Variants in TASP1 observed in about 807,000 individuals in gnomAD.
TASP1 encodes threonine aspartase 1.
Under a neutral mutation model 56.6 loss-of-function variants are expected in TASP1, and 16 were observed. That is an observed-to-expected ratio of 0.28 (90% CI 0.19 to 0.43). TASP1 has a LOEUF of 0.43. TASP1 is among the 20% of genes least tolerant of loss of function. TASP1 has a pLI of 1.00. For missense variants in TASP1, 393 were observed against 511.6 expected (o/e 0.77, Z 2.24); for synonymous variants, 179 against 184.2 (o/e 0.97, Z 0.23).
the TASP1 span, among the ~76,000 whole-genome samples, chr20:13,222,745 G>T: frequency 6.6e-6 from 1 of 152,222 alleles, no homozygotes; most frequent in Non-Finnish European, 1.5e-5. Flanking sequence ...TGCCCAGCTA[G>T]GCATTTCCTG....
chr20:13,600,136 CA>C (rs1393959643), intron 4 of TASP1, among the ~76,000 whole-genome samples: 2 of 151,944 alleles, frequency 1.3e-5, no homozygotes, highest in Non-Finnish European at 1.5e-5. Flanking sequence ...TTTTTAAATC[CA>C]ATAAATGGAA....
intron 6 of TASP1, among the ~76,000 whole-genome samples, chr20:13,573,827 G>T (rs2046800560): frequency 6.6e-6 from 1 of 152,138 alleles, no homozygotes; most frequent in African/African-American, 2.4e-5. Flanking sequence ...GGAAAACAAG[G>T]TAAACCTTGT....
the TASP1 span, among the ~76,000 whole-genome samples, chr20:13,277,498 C>T: frequency 6.6e-6 from 1 of 152,164 alleles, no homozygotes; most frequent in Non-Finnish European, 1.5e-5. Flanking sequence ...CTCGGCTCTA[C>T]CCAGCTGTGT....
intron 10 of TASP1, among the ~76,000 whole-genome samples, chr20:13,525,094 GAC>G (rs1330957787): frequency 6.6e-6 from 1 of 152,074 alleles, no homozygotes; most frequent in African/African-American, 2.4e-5. Flanking sequence ...TACTTTAATT[GAC>G]AGTCTTTTGT....
At chr20:13,536,009 T>G (rs190301818) in intron 8 of TASP1, among the ~76,000 whole-genome samples, 5 of 152,332 alleles carry the variant, frequency 3.3e-5, no homozygotes, top group Admixed American at 3.3e-4. Flanking sequence ...AATATACTTT[T>G]AAGAGGAATA....
chr20:13,228,437 C>T, the TASP1 span, among the ~76,000 whole-genome samples: 1 of 152,122 alleles, frequency 6.6e-6, no homozygotes, highest in East Asian at 1.9e-4. Context: ...TGGCAGTTGG[C>T]TGTCTTCTAT....
At chr20:13,528,247 A>T (rs919941947) in intron 10 of TASP1, among the ~76,000 whole-genome samples, 186 bp downstream of exon 10, 1 of 151,222 alleles carries the variant, frequency 6.6e-6, no homozygotes, top group Admixed American at 6.6e-5. Context: ...AAAAAAAAGA[A>T]AATGTTAGCA....
At chr20:13,132,095 T>C in the TASP1 span, among the ~76,000 whole-genome samples, 3 of 151,714 alleles carry the variant, frequency 2.0e-5, no homozygotes, top group Non-Finnish European at 4.4e-5. Flanking sequence ...CTGCTGAAAA[T>C]CTGCCTTATT....
At chr20:13,284,916 T>A in the TASP1 span, among the ~76,000 whole-genome samples, 1 of 152,164 alleles carries the variant, frequency 6.6e-6, no homozygotes, top group African/African-American at 2.4e-5. Context: ...GGCTTCAGAG[T>A]CTGGCAGCTG....
the TASP1 span, among the ~76,000 whole-genome samples, chr20:13,220,122 C>A: frequency 6.6e-6 from 1 of 151,700 alleles, no homozygotes; most frequent in African/African-American, 2.4e-5. Context: ...GGTCTTGGCT[C>A]GCTGGGAGGG....
the TASP1 span, among the ~76,000 whole-genome samples, chr20:13,266,484 A>G: frequency 6.6e-6 from 1 of 152,202 alleles, no homozygotes; most frequent in Non-Finnish European, 1.5e-5. Flanking sequence ...CTCTGAAATT[A>G]TAGTCACAAG....
At chr20:13,250,671 G>T in the TASP1 span, among the ~76,000 whole-genome samples, 1 of 152,194 alleles carries the variant, frequency 6.6e-6, no homozygotes, top group Admixed American at 6.5e-5. Context: ...GCTGTGGATT[G>T]TAAGCTCCAT....
the TASP1 span, among the ~76,000 whole-genome samples, chr20:13,249,195 G>T: frequency 3.3e-5 from 5 of 152,230 alleles, no homozygotes; most frequent in South Asian, 2.1e-4. Context: ...CGGGAATCAG[G>T]GTTCCTAATG....
rs1469603821 is a variant in TASP1 at position 13,497,076 on chromosome 20, A to C, written c.875-13739T>G. 2.0e-5 allele frequency among the ~76,000 whole-genome samples: 3 copies of C among 152,222 alleles called. No homozygotes were observed. The East Asian group carries it at 5.8e-4, about 29-fold the overall frequency. On this transcript the variant is annotated intron_variant, in intron 10 of 13. Coordinates refer to ENST00000337743, the MANE Select transcript of TASP1 (RefSeq NM_017714.3). ...AACCCCATTCACTAAACAAGGCTGA[A>C]TCCATTCATCAATTCTTTCCTACAG...
chr20:13,637,938 C>T (rs962335710), intron 1 of TASP1, among the ~76,000 whole-genome samples: 10 of 152,050 alleles, frequency 6.6e-5, no homozygotes, highest in African/African-American at 2.2e-4. Flanking sequence ...ACAATCTATC[C>T]GTGCAATGAA....
At chr20:13,123,642 A>G in the TASP1 span, among the ~76,000 whole-genome samples, 6 of 152,148 alleles carry the variant, frequency 3.9e-5, no homozygotes, top group African/African-American at 1.4e-4. Flanking sequence ...TCTCAGAAGC[A>G]CTGGCTTCTC....
chr20:13,440,969 T>C (rs2043192749), intron 11 of TASP1, among the ~76,000 whole-genome samples: 1 of 152,158 alleles, frequency 6.6e-6, no homozygotes, highest in African/African-American at 2.4e-5. Context: ...CCAGCAGTAC[T>C]CAAACATGGC....
chr20:13,142,016 CTAGTT>C, the TASP1 span, among the ~76,000 whole-genome samples: 19 of 152,318 alleles, frequency 1.2e-4, 1 homozygote, highest in Admixed American at 9.8e-4. Flanking sequence ...AAACTGAACT[CTAGTT>C]AAGAGGGAAA....
the TASP1 span, among the ~76,000 whole-genome samples, chr20:13,214,187 C>A: frequency 6.6e-6 from 1 of 152,132 alleles, no homozygotes; most frequent in Non-Finnish European, 1.5e-5. Context: ...GGAGGATCTC[C>A]TTACTCTTAA....
Sources: allele counts gnomAD v4.1 joint callset (sites outside exome capture counted in the v4.1 genomes callset), GRCh38; gene constraint gnomAD v4.1.1; transcripts MANE v1.5; gene names NCBI Gene and HGNC (gene_info 2026-07-23, HGNC 2026-07-21).